Variants in COX15 observed in about 807,000 individuals in gnomAD.
COX15 encodes the protein heme A synthase COX15.
COX15 carries 51 observed loss-of-function variants against 51.9 expected under a neutral mutation model. The ratio of observed to expected loss-of-function variants is 0.98; its 90% CI spans 0.78 to 1.24. The LOEUF (loss-of-function observed/expected upper bound fraction) is 1.24, where lower values mean the gene tolerates loss of function less well. Ranked by LOEUF, COX15 falls within the 50% of genes most tolerant of loss-of-function variation. COX15 has a pLI of 0.00. For missense variants in COX15, 420 were observed against 501.1 expected (o/e 0.84, Z 1.55); for synonymous variants, 188 against 190.5 (o/e 0.99, Z 0.11).
At chr10:99,701,647 A>G in the COX15 span, among the ~76,000 whole-genome samples, 1 of 152,224 alleles carries the variant, frequency 6.6e-6, no homozygotes, top group South Asian at 2.1e-4. Flanking sequence ...AGAAAAGTAG[A>G]GAGAATAGCA....
the COX15 span, among the ~76,000 whole-genome samples, chr10:99,700,476 A>C: frequency 1.3e-5 from 2 of 150,868 alleles, no homozygotes; most frequent in African/African-American, 4.9e-5. Flanking sequence ...CTAGAATGTA[A>C]GCTTCCTGAG....
intron 6 of COX15, among the ~76,000 whole-genome samples, chr10:99,720,348 G>C (rs1292516243): frequency 6.6e-6 from 1 of 152,162 alleles, no homozygotes; most frequent in East Asian, 1.9e-4. Context: ...GGGAGGCTGA[G>C]GCACGAGAAT....
Position 99,713,007 on chromosome 10 carries a change from A to G in COX15, c.*1580T>C. On this transcript the variant is annotated 3_prime_UTR_variant, in exon 9 of 9. Coordinates refer to ENST00000016171, the MANE Select transcript of COX15 (RefSeq NM_078470.6). ...CCTGTGTGACAGGGGTTCTGGACTC[A>G]TCATTCTGATCTCTTCTTCTGGATA... 5 of 1,122,726 alleles carry G rather than the reference A, an allele frequency of 4.5e-6. No individual in the cohort carries two copies. Among genetic ancestry groups the G allele is most frequent in the Non-Finnish European group, 5.5e-6 (5 of 912,484 alleles). The allele number at this position is 1,122,726 out of a possible 1,614,324, so 69.5% of individuals were successfully genotyped here. A position where few individuals can be genotyped will look rare whatever the true frequency, so the allele number is the denominator to read the frequency against.
rs1383133523 is a variant in COX15 at position 99,729,594 on chromosome 10, A to G, written c.231T>C (p.Ser77=). Residue 77 remains serine, a synonymous_variant, in exon 2 of 9, where the codon AGT becomes AGC. Transcript: ENST00000016171. The part of the protein sequence containing the change: ...RVVGRWLLVC[S]GTVAGAVILG... ...GAATAACTGCTCCAGCCACTGTTCC[A>G]CTGCAGACCAGGAGCCATCGGCCCA... is the stretch of plus-strand genomic sequence containing the variant. The G allele has an allele frequency of 3.1e-6, 5 of 1,613,742 alleles. No individual in the cohort carries two copies. Among genetic ancestry groups the G allele is most frequent in the Admixed American group, 1.7e-5 (1 of 59,968 alleles).
At chr10:99,723,608 T>C (rs1247918391) in intron 5 of COX15, among the ~76,000 whole-genome samples, 1 of 152,034 alleles carries the variant, frequency 6.6e-6, no homozygotes, top group African/African-American at 2.4e-5. Context: ...GACAGAAAAA[T>C]ACTTCAGACA....
At chr10:99,702,647 A>G in the COX15 span, 3 of 1,612,674 alleles carry the variant, frequency 1.9e-6, no homozygotes, top group East Asian at 2.2e-5. Context: ...GAGCCATTCT[A>G]TATAAAACAC....
the COX15 span, among the ~76,000 whole-genome samples, chr10:99,695,610 G>C: frequency 2.0e-4 from 31 of 152,168 alleles, no homozygotes; most frequent in African/African-American, 6.3e-4. Flanking sequence ...ATTAAAGGAT[G>C]TTTTCCTATT....
intron 5 of COX15, among the ~76,000 whole-genome samples, chr10:99,722,356 G>A (rs1309616895): frequency 2.0e-5 from 3 of 152,046 alleles, no homozygotes; most frequent in Admixed American, 6.5e-5. Context: ...AAGAGTGTGT[G>A]GGTTTATGTG....
At chr10:99,706,266 A>G (rs2036250268), downstream of COX15, 1 of 152,222 alleles carries the variant, frequency 6.6e-6, no homozygotes, top group Non-Finnish European at 1.5e-5. Context: ...GTTGGTAGAT[A>G]AAAAGATGAC....
chr10:99,713,656 G>C lies in COX15; in HGVS notation c.*931C>G. 1 of 948,706 alleles carries C rather than the reference G, an allele frequency of 1.1e-6. No individual in the cohort carries two copies. The highest frequency in any genetic ancestry group is 1.6e-6 in the Non-Finnish European group (1 of 643,432). 58.8% of individuals were successfully genotyped at this position (948,706 alleles called of 1,614,324 possible). A position where few individuals can be genotyped will look rare whatever the true frequency, so the allele number is the denominator to read the frequency against. ...CGATTCCATTCCTCTCTCTGACCTT[G>C]TAATGTTAACAGCCTTATCAAAAGA... On this transcript the variant is annotated 3_prime_UTR_variant, in exon 9 of 9. Transcript: ENST00000016171.
chr10:99,723,954 A>C lies in COX15; in HGVS notation c.750+2T>G, dbSNP rs778793555. On this transcript the variant is annotated splice_donor_variant, in intron 5 of 8. Transcript: ENST00000016171. LOFTEE classifies it high-confidence loss of function. ...ACACAGATATTTGCACACAACTCTTACCTTGTGCGGAGGGAGTAGCAGTGA... is the reference window on the plus strand; with the variant it reads ...ACACAGATATTTGCACACAACTCTTCCCTTGTGCGGAGGGAGTAGCAGTGA... The C allele has an allele frequency of 6.2e-7, 1 of 1,613,670 alleles. No individual in the cohort carries two copies. Among genetic ancestry groups the C allele is most frequent in the South Asian group, 1.1e-5 (1 of 91,060 alleles).
chr10:99,695,042 T>C, the COX15 span, among the ~76,000 whole-genome samples: 264 of 152,176 alleles, frequency 1.7e-3, 1 homozygote, highest in African/African-American at 6.0e-3. Context: ...AGAGAATAAA[T>C]AAATAAAGCA....
At position 99,724,056 on chromosome 10, in the gene COX15, C is replaced by G; in HGVS notation, c.650G>C (p.Arg217Pro). 1 of 1,614,096 alleles carries G rather than the reference C, an allele frequency of 6.2e-7. No individual in the cohort carries two copies. Among genetic ancestry groups the G allele is most frequent in the Non-Finnish European group, 8.5e-7 (1 of 1,180,012 alleles). The change falls in exon 5 of 9, where the codon CGG becomes CCG. Residue 217 changes from arginine to proline, a missense_variant. Coordinates refer to ENST00000016171, the MANE Select transcript of COX15 (RefSeq NM_078470.6). ...GGCAGCAAGGCGGTACTGACTGACC[C>G]GAGGGATGTCATGGGAGTCTGATTT... The part of the protein sequence containing the change: ...EEKSDSHDIP[R>P]VSQYRLAAHL...
At chr10:99,704,844 A>G in the COX15 span, 1 of 669,164 alleles carries the variant, frequency 1.5e-6, no homozygotes. Flanking sequence ...CTCCGTACCC[A>G]GGTCTTCTCT....
At chr10:99,716,254 A>T (rs180933799) in intron 8 of COX15, 94 bp downstream of exon 8, 47 of 893,326 alleles carry the variant, frequency 5.3e-5, no homozygotes, top group South Asian at 1.7e-4. Context: ...AGGCCTCCCA[A>T]AGTGCTGGGA....
chr10:99,704,271 C>G, the COX15 span, among the ~76,000 whole-genome samples: 1 of 152,140 alleles, frequency 6.6e-6, no homozygotes, highest in African/African-American at 2.4e-5. Context: ...AAGGAAGACA[C>G]AGAAGGGCTC....
chr10:99,712,919 ATCTTGC>A lies in COX15; in HGVS notation c.*1662_*1667del, dbSNP rs919479972. On this transcript the variant is annotated 3_prime_UTR_variant, in exon 9 of 9. Coordinates refer to ENST00000016171, the MANE Select transcript of COX15 (RefSeq NM_078470.6). Reference sequence around the variant, plus strand: ...CGGCTTCAACTTCTCAAGGACAGGAATCTTGCTCTCTCTCCAGATGTTCTCTGCTCC... The same window carrying A: ...CGGCTTCAACTTCTCAAGGACAGGAATCTCTCTCCAGATGTTCTCTGCTCC... The A allele has an allele frequency of 9.7e-5, 73 of 755,160 alleles. No homozygotes were observed. Among genetic ancestry groups the A allele is most frequent in the Non-Finnish European group, 1.1e-4 (70 of 616,566 alleles). The allele number at this position is 755,160 out of a possible 1,614,324, so 46.8% of individuals were successfully genotyped here.
At chr10:99,709,407 C>T (rs548136735), downstream of COX15, 8 of 985,376 alleles carry the variant, frequency 8.1e-6, no homozygotes, top group East Asian at 2.3e-4. Flanking sequence ...CTCTTAGGGA[C>T]GCTAGCTCCA....
intron 8 of COX15, among the ~76,000 whole-genome samples, chr10:99,715,443 G>A (rs1448495890): frequency 6.6e-6 from 1 of 152,020 alleles, no homozygotes; most frequent in Non-Finnish European, 1.5e-5. Context: ...CCGGCCCATA[G>A]TTTTTTAACT....
Sources: allele counts gnomAD v4.1 joint callset (sites outside exome capture counted in the v4.1 genomes callset), GRCh38; gene constraint gnomAD v4.1.1; transcripts MANE v1.5; gene names NCBI Gene and HGNC (gene_info 2026-07-23, HGNC 2026-07-21).